Variants in MACROD2 observed in about 807,000 individuals in gnomAD.
The protein encoded by MACROD2 is mono-ADP ribosylhydrolase 2.
Under a neutral mutation model 70.4 loss-of-function variants are expected in MACROD2, and 36 were observed. The ratio of observed to expected loss-of-function variants is 0.51; its 90% CI spans 0.39 to 0.68. The LOEUF is 0.68. MACROD2 is among the 30% of genes least tolerant of loss of function. MACROD2 has a pLI of 0.00. For missense variants in MACROD2, 496 were observed against 538.4 expected (o/e 0.92, Z 0.78); for synonymous variants, 172 against 178.8 (o/e 0.96, Z 0.30).
chr20:15,523,089 G>C (rs892957857), intron 8 of MACROD2, among the ~76,000 whole-genome samples: 1 of 152,140 alleles, frequency 6.6e-6, no homozygotes, highest in Non-Finnish European at 1.5e-5. Flanking sequence ...GATCATTTGG[G>C]AGAGAAGCGC....
chr20:15,901,301 A>G (rs1311823305), intron 10 of MACROD2, among the ~76,000 whole-genome samples: 1 of 151,228 alleles, frequency 6.6e-6, no homozygotes, highest in East Asian at 2.0e-4. Flanking sequence ...GAAACTACAG[A>G]AGGTCCACCA....
intron 9 of MACROD2, among the ~76,000 whole-genome samples, chr20:15,884,511 A>T (rs934999958): frequency 6.6e-6 from 1 of 152,082 alleles, no homozygotes; most frequent in Non-Finnish European, 1.5e-5. Flanking sequence ...GGCAGAGGGC[A>T]GTCACTGAAC....
Position 14,442,399 on chromosome 20 carries a change from C to T in MACROD2, c.272-51080C>T, listed in dbSNP as rs188215417. 1.8e-3 allele frequency among the ~76,000 whole-genome samples: 280 copies of T among 152,182 alleles called. 1 individual carries two copies. Among genetic ancestry groups the T allele is most frequent in the African/African-American group, 5.1e-3 (212 of 41,480 alleles). ...TCTTTGTATTTTGGTCAATTTTACTCTCATGATTCTGATTTTATGAAATTA... is the reference window on the plus strand; with the variant it reads ...TCTTTGTATTTTGGTCAATTTTACTTTCATGATTCTGATTTTATGAAATTA... On this transcript the variant is annotated intron_variant, in intron 3 of 17. Coordinates refer to ENST00000684519, the MANE Select transcript of MACROD2 (RefSeq NM_001351661.2).
intron 6 of MACROD2, among the ~76,000 whole-genome samples, chr20:15,362,849 A>G (rs1461342461): frequency 6.6e-6 from 1 of 152,038 alleles, no homozygotes; most frequent in Non-Finnish European, 1.5e-5. Flanking sequence ...AATATATAGG[A>G]AAAAAATTTA....
chr20:15,856,948 C>G (rs1381390015), intron 8 of MACROD2, among the ~76,000 whole-genome samples: 3 of 152,114 alleles, frequency 2.0e-5, no homozygotes, highest in African/African-American at 7.2e-5. Context: ...ATTTGAGAAG[C>G]CTTGACAGAT....
chr20:15,743,556 C>G (rs923385296), intron 8 of MACROD2, among the ~76,000 whole-genome samples: 3 of 152,170 alleles, frequency 2.0e-5, no homozygotes, highest in African/African-American at 7.2e-5. Flanking sequence ...CCCATATTCT[C>G]TGTCACTCCT....
At chr20:15,516,210 G>A (rs1394997339) in intron 8 of MACROD2, among the ~76,000 whole-genome samples, 2 of 151,918 alleles carry the variant, frequency 1.3e-5, no homozygotes, top group African/African-American at 2.4e-5. Context: ...AGATGTCAAT[G>A]TTTTCATTTC....
intron 8 of MACROD2, among the ~76,000 whole-genome samples, chr20:15,656,071 T>C (rs2049726198): frequency 6.6e-6 from 1 of 152,194 alleles, no homozygotes; most frequent in African/African-American, 2.4e-5. Flanking sequence ...AACTCCCCTA[T>C]TGTTTTTGGC....
intron 5 of MACROD2, among the ~76,000 whole-genome samples, chr20:14,694,434 G>C (rs1439752627): frequency 6.6e-6 from 1 of 152,192 alleles, no homozygotes; most frequent in Non-Finnish European, 1.5e-5. Context: ...TGATCTTTCT[G>C]CTGAAGGTAC....
chr20:15,820,099 A>G (rs1055854154), intron 8 of MACROD2, among the ~76,000 whole-genome samples: 2 of 152,064 alleles, frequency 1.3e-5, no homozygotes, highest in African/African-American at 4.8e-5. Context: ...ATATCCTAGG[A>G]GAAGCGACAC....
intron 5 of MACROD2, chr20:15,196,998 C>T (rs776667663): frequency 4.2e-5 from 41 of 985,278 alleles, no homozygotes; most frequent in Non-Finnish European, 4.5e-5. Flanking sequence ...GGAAACTCAA[C>T]ACTCAGGAAG....
intron 2 of MACROD2, among the ~76,000 whole-genome samples, chr20:14,019,180 A>G (rs894499466): frequency 1.3e-5 from 2 of 152,194 alleles, no homozygotes; most frequent in African/African-American, 4.8e-5. Context: ...AGGGAATTGC[A>G]ATAGAGACAG....
At chr20:15,411,149 TACACACACACACAC>T (rs55750139) in intron 6 of MACROD2, among the ~76,000 whole-genome samples, 3 of 144,184 alleles carry the variant, frequency 2.1e-5, no homozygotes, top group Admixed American at 7.0e-5. Flanking sequence ...GATATGTATT[TACACACACACACAC>T]ACACACACAC....
chr20:15,792,254 T>C (rs1254520483), intron 8 of MACROD2, among the ~76,000 whole-genome samples: 3 of 152,078 alleles, frequency 2.0e-5, no homozygotes, highest in Non-Finnish European at 4.4e-5. Flanking sequence ...AAAATTAAAC[T>C]ATGACAGTTT....
intron 3 of MACROD2, among the ~76,000 whole-genome samples, chr20:14,119,359 G>A (rs568473185): frequency 6.6e-6 from 1 of 150,860 alleles, no homozygotes; most frequent in Non-Finnish European, 1.5e-5. Flanking sequence ...AGTAGAGATA[G>A]GGTTTCACCC....
At chr20:15,621,362 A>G (rs1457926163) in intron 8 of MACROD2, among the ~76,000 whole-genome samples, 1 of 152,164 alleles carries the variant, frequency 6.6e-6, no homozygotes, top group African/African-American at 2.4e-5. Context: ...TTTCAGCTTG[A>G]CTGGTCTCAA....
chr20:14,046,715 T>TTTTATTTATTTATTTA (rs57310891), intron 2 of MACROD2, among the ~76,000 whole-genome samples: 14 of 145,892 alleles, frequency 9.6e-5, no homozygotes, highest in East Asian at 4.0e-4. Context: ...AAGCATTCTC[T>TTTTATTTATTTATTTA]TTTATTTATT....
At chr20:15,256,037 A>G (rs143928156) in intron 6 of MACROD2, among the ~76,000 whole-genome samples, 1 of 152,036 alleles carries the variant, frequency 6.6e-6, no homozygotes, top group East Asian at 1.9e-4. Flanking sequence ...TAATCCCTGG[A>G]TATCTTTCTA....
intron 15 of MACROD2, among the ~76,000 whole-genome samples, chr20:16,033,840 C>T (rs750320182): frequency 1.3e-5 from 2 of 149,080 alleles, no homozygotes; most frequent in Non-Finnish European, 3.0e-5. Flanking sequence ...AGGTTCAGAA[C>T]CTATCACAGT....
Sources: gnomAD v4.1 joint callset for allele counts (sites outside exome capture counted in the v4.1 genomes callset) on GRCh38, gnomAD v4.1.1 for gene constraint, MANE v1.5 for transcripts, NCBI Gene and HGNC (gene_info 2026-07-23, HGNC 2026-07-21) for gene names.